Variants in ILDR2 observed in about 807,000 individuals in gnomAD.
The protein encoded by ILDR2 is immunoglobulin like domain containing receptor 2, also known as immunoglobulin-like domain-containing receptor 2.
A neutral mutation model predicts 66.8 loss-of-function variants in ILDR2; 25 were observed. The ratio of observed to expected loss-of-function variants is 0.37; its 90% CI spans 0.27 to 0.52. The LOEUF (loss-of-function observed/expected upper bound fraction) is 0.52, where lower values mean the gene tolerates loss of function less well. Among genes scored for constraint, ILDR2 ranks in the 20% least tolerant of loss-of-function variants. The pLI is 0.88. For synonymous variants in ILDR2, 367 were observed against 357.2 expected, an observed-to-expected ratio of 1.03 and a Z score of -0.31; for missense variants, 827 against 876.8, an observed-to-expected ratio of 0.94 and a Z score of 0.72.
chr1:166,950,763 A>G (rs1041584774), intron 3 of ILDR2, among the ~76,000 whole-genome samples: 1 of 148,926 alleles, frequency 6.7e-6, no homozygotes, highest in African/African-American at 2.5e-5. Context: ...ACACACGCCT[A>G]CCCATTCCTT....
At chr1:166,925,806 G>A (rs1369439572) in intron 7 of ILDR2, among the ~76,000 whole-genome samples, 3 of 152,140 alleles carry the variant, frequency 2.0e-5, no homozygotes, top group African/African-American at 7.2e-5. Flanking sequence ...TAGAGAGACA[G>A]GAGACATCAC....
intron 3 of ILDR2, among the ~76,000 whole-genome samples, chr1:166,940,052 T>C (rs1352302993): frequency 1.3e-5 from 2 of 152,202 alleles, no homozygotes; most frequent in African/African-American, 4.8e-5. Context: ...GGCCTAAAGA[T>C]ATTTCAATGA....
At chr1:166,940,714 TA>T (rs1661263251) in intron 3 of ILDR2, among the ~76,000 whole-genome samples, 1 of 152,228 alleles carries the variant, frequency 6.6e-6, no homozygotes, top group Admixed American at 6.5e-5. Context: ...ATCACTAAAA[TA>T]TTGTCATTTC....
At chr1:166,933,226 C>T (rs1660742447) in intron 6 of ILDR2, among the ~76,000 whole-genome samples, 1 of 152,218 alleles carries the variant, frequency 6.6e-6, no homozygotes, top group African/African-American at 2.4e-5. Context: ...TGGGCAAGAG[C>T]CCAATTCTTG....
intron 1 of ILDR2, among the ~76,000 whole-genome samples, chr1:166,964,975 C>A (rs965995823): frequency 4.6e-5 from 7 of 152,128 alleles, no homozygotes; most frequent in Non-Finnish European, 1.0e-4. Flanking sequence ...ATAAGCATAG[C>A]CCCATTTTAG....
rs975904100 is a variant in ILDR2 at position 166,921,613 on chromosome 1, G to A, written c.1212-234C>T. Among the ~76,000 whole-genome samples, 4 of 152,238 alleles carry A rather than the reference G, an allele frequency of 2.6e-5. No homozygotes were observed. The highest frequency in any genetic ancestry group is 5.9e-5 in the Non-Finnish European group (4 of 68,036). On this transcript the variant is annotated intron_variant, in intron 8 of 9. Coordinates refer to ENST00000271417, the MANE Select transcript of ILDR2 (RefSeq NM_199351.3). This position sits in a 1 kb window ranked among gnomAD's most constrained non-coding sequence, Gnocchi z 5.3. ...CCACGCATCAAAATGGGGTTGTGTGGATAGAACATATTCTGTATCCTATGG... is the reference window on the plus strand; with the variant it reads ...CCACGCATCAAAATGGGGTTGTGTGAATAGAACATATTCTGTATCCTATGG...
Position 166,919,344 on chromosome 1 carries a change from T to C in ILDR2, c.*11A>G, listed in dbSNP as rs751062956. 5 of 1,611,884 alleles carry C rather than the reference T, an allele frequency of 3.1e-6. No homozygotes were observed. The African/African-American group carries it at 5.3e-5, about 17-fold the overall frequency. ...TCTGATTTCTCATTATCCAGAGAAA[T>C]GTTGACAACATCAGACCACAAGGGA... On this transcript the variant is annotated 3_prime_UTR_variant, in exon 10 of 10. Transcript: ENST00000271417.
In ILDR2 at chr1:166,915,373, T is replaced by A. The variant is rs1371725542; in HGVS notation, c.*3982A>T. ...TAGCTGTTTGGAGTACCCAGAGGTA[T>A]GACTTAGTGCAATGATTTCCAAATG... On this transcript the variant is annotated 3_prime_UTR_variant, in exon 10 of 10. Transcript: ENST00000271417. 1 of 152,204 alleles carries A rather than the reference T, an allele frequency of 6.6e-6. No individual in the cohort carries two copies. The highest frequency in any genetic ancestry group is 2.4e-5 in the African/African-American group (1 of 41,432). 9.4% of individuals were successfully genotyped at this position (152,204 alleles called of 1,614,324 possible). A position where few individuals can be genotyped will look rare whatever the true frequency, so the allele number is the denominator to read the frequency against.
chr1:166,962,776 C>T (rs1195197759), intron 1 of ILDR2, among the ~76,000 whole-genome samples: 2 of 152,188 alleles, frequency 1.3e-5, no homozygotes, highest in Non-Finnish European at 2.9e-5. Flanking sequence ...AGAACAAGTA[C>T]TTCTTATGCT....
chr1:166,961,258 G>A (rs1011985669), intron 1 of ILDR2, among the ~76,000 whole-genome samples: 2 of 152,126 alleles, frequency 1.3e-5, no homozygotes, highest in African/African-American at 2.4e-5. Context: ...TTTTTTTAGA[G>A]AGGAAGTTTG....
rs1443312691 is a variant in ILDR2, at chr1:166,913,448, C to T, written c.*5907G>A. The T allele has an allele frequency of 1.3e-5, 2 of 152,006 alleles. No homozygotes were observed. Among genetic ancestry groups the T allele is most frequent in the East Asian group, 1.9e-4 (1 of 5,184 alleles). The allele number at this position is 152,006 out of a possible 1,614,324, so 9.4% of individuals were successfully genotyped here. A position where few individuals can be genotyped will look rare whatever the true frequency, so the allele number is the denominator to read the frequency against. The stretch of plus-strand genomic sequence containing the variant: ...ATTTCTTATGCAGTCGTGTCTAATA[C>T]TTTTGTTAATAAAATGGCTTTTCCT... On this transcript the variant is annotated 3_prime_UTR_variant, in exon 10 of 10. Coordinates refer to ENST00000271417, the MANE Select transcript of ILDR2 (RefSeq NM_199351.3).
At chr1:166,941,559 C>T (rs1661312971) in intron 3 of ILDR2, among the ~76,000 whole-genome samples, 1 of 152,112 alleles carries the variant, frequency 6.6e-6, no homozygotes, top group South Asian at 2.1e-4. Flanking sequence ...GGAATTTGGG[C>T]TCCTGGAGAT....
Position 166,921,740 on chromosome 1 carries a change from C to T in ILDR2, c.1212-361G>A, listed in dbSNP as rs1659957555. Among the ~76,000 whole-genome samples, 1 of 152,210 alleles carries T rather than the reference C, an allele frequency of 6.6e-6. No individual in the cohort carries two copies. The highest frequency in any genetic ancestry group is 6.5e-5 in the Admixed American group (1 of 15,288). ...CAAAGCCAGCGCAGGTGTCAGTACACACAGTTATGGTCCCAGGAGTCCCTG... is the reference window on the plus strand; with the variant it reads ...CAAAGCCAGCGCAGGTGTCAGTACATACAGTTATGGTCCCAGGAGTCCCTG... On this transcript the variant is annotated intron_variant, in intron 8 of 9. Transcript: ENST00000271417. This position sits in a 1 kb window ranked among gnomAD's most constrained non-coding sequence, Gnocchi z 5.3.
intron 3 of ILDR2, among the ~76,000 whole-genome samples, chr1:166,949,244 T>C (rs962119771): frequency 6.6e-6 from 1 of 152,272 alleles, no homozygotes; most frequent in African/African-American, 2.4e-5. Context: ...AACCAAAAAC[T>C]ATCTCCAAAC....
chr1:166,970,093 C>T (rs1037537532), intron 1 of ILDR2, among the ~76,000 whole-genome samples: 9 of 152,124 alleles, frequency 5.9e-5, no homozygotes, highest in African/African-American at 2.2e-4. Flanking sequence ...AGTCCCAGAA[C>T]AAAAATTTGG....
At chr1:166,901,065 T>C (rs1557918784) in intron 2 of ILDR2, among the ~76,000 whole-genome samples, 1 of 152,210 alleles carries the variant, frequency 6.6e-6, no homozygotes, top group Non-Finnish European at 1.5e-5. Flanking sequence ...AATAGCTTTA[T>C]AGCTTTGCCT....
intron 3 of ILDR2, among the ~76,000 whole-genome samples, chr1:166,950,265 C>T (rs1045117852): frequency 7.2e-5 from 11 of 152,162 alleles, no homozygotes; most frequent in Admixed American, 7.2e-4. Context: ...GAAACAGCAG[C>T]AGCCACTCTC....
rs367975837 is a variant in ILDR2 at position 166,957,821 on chromosome 1, C to T, written c.327G>A (p.Ser109=). 34 of 1,614,006 alleles carry T rather than the reference C, an allele frequency of 2.1e-5. No individual in the cohort carries two copies. The highest frequency in any genetic ancestry group is 1.2e-4 in the African/African-American group (9 of 74,896). Residue 109 remains serine (S), a synonymous_variant, in exon 2 of 10, where the codon TCG becomes TCA. Transcript: ENST00000271417. ...TVRVVASKQG[S]TVTLGDFYRG... is the part of the protein sequence containing the mutation. ...TGTAGAAATCTCCCAGGGTGACAGTCGAGCCCTGTTTTGAAGCTACTACTC... is the reference window on the plus strand; with the variant it reads ...TGTAGAAATCTCCCAGGGTGACAGTTGAGCCCTGTTTTGAAGCTACTACTC...
intron 3 of ILDR2, among the ~76,000 whole-genome samples, chr1:166,954,998 A>G (rs539190788): frequency 2.0e-5 from 3 of 152,196 alleles, no homozygotes; most frequent in East Asian, 1.9e-4. Flanking sequence ...TATGTTCACA[A>G]TTAGCTAATT....
Sources: allele counts gnomAD v4.1 joint callset (sites outside exome capture counted in the v4.1 genomes callset), GRCh38; gene constraint gnomAD v4.1.1; non-coding constraint Gnocchi (gnomAD v3.1); transcripts MANE v1.5; gene names NCBI Gene and HGNC (gene_info 2026-07-23, HGNC 2026-07-21).